The following MYH6 variants were observed in gnomAD, a reference collection of about 807,000 sequenced individuals.
The protein encoded by MYH6 is myosin-6.
A neutral mutation model predicts 223.2 loss-of-function variants in MYH6; 126 were observed. The observed-to-expected ratio is 0.56, with a 90% CI of 0.49 to 0.65. The LOEUF (loss-of-function observed/expected upper bound fraction) is 0.65, where lower values mean the gene tolerates loss of function less well. Among genes scored for constraint, MYH6 ranks in the 30% least tolerant of loss-of-function variants. MYH6 has a pLI of 0.00. For synonymous variants in MYH6, 978 were observed against 1,010.2 expected (o/e 0.97, Z 0.61); for missense variants, 2,040 against 2,536.4 (o/e 0.80, Z 4.20).
At position 23,383,335 on chromosome 14, in the gene MYH6, G is replaced by GT; in HGVS notation, c.5566-16dup. 1 of 488,970 alleles carries GT rather than the reference G, an allele frequency of 2.0e-6. No homozygotes were observed. The highest frequency in any genetic ancestry group is 6.6e-4 in the Middle Eastern group (1 of 1,510). The allele number at this position is 488,970 out of a possible 1,614,324, so 30.3% of individuals were successfully genotyped here. A position where few individuals can be genotyped will look rare whatever the true frequency, so the allele number is the denominator to read the frequency against. On this transcript the variant is annotated splice_polypyrimidine_tract_variant and intron_variant, in intron 36 of 38. Coordinates refer to ENST00000405093, the MANE Select transcript of MYH6 (RefSeq NM_002471.4). ...TCTTCCTCTGTCTGGGGGTGGGAGGGTGGGAGAAGCTGGTTTGGAGGGGGA... is the reference window on the plus strand; with the variant it reads ...TCTTCCTCTGTCTGGGGGTGGGAGGGTTGGGAGAAGCTGGTTTGGAGGGGGA...
intron 20 of MYH6, among the ~76,000 whole-genome samples, chr14:23,394,879 T>C (rs1448162960): frequency 6.6e-6 from 1 of 152,236 alleles, no homozygotes; most frequent in Non-Finnish European, 1.5e-5. Context: ...ACTTTATTTA[T>C]TTTGAGATGG....
In MYH6 at chr14:23,401,011, C is replaced by CTTTTT. The variant is rs751108399; in HGVS notation, c.1142-39_1142-35dup. 24 of 1,455,314 alleles carry CTTTTT rather than the reference C, an allele frequency of 1.6e-5. No homozygotes were observed. The African/African-American group carries it at 2.7e-4, about 16-fold the overall frequency. 90.2% of individuals were successfully genotyped at this position (1,455,314 alleles called of 1,614,324 possible). A position where few individuals can be genotyped will look rare whatever the true frequency, so the allele number is the denominator to read the frequency against. ...GAGGGAAAGGATAAGTGAGCACTTCCTTTTTTTTTTTTTAAGATAGAGGCT... is the reference window on the plus strand; with the variant it reads ...GAGGGAAAGGATAAGTGAGCACTTCCTTTTTTTTTTTTTTTTTTAAGATAGAGGCT... On this transcript the variant is annotated intron_variant, in intron 12 of 38. Coordinates refer to ENST00000405093, the MANE Select transcript of MYH6 (RefSeq NM_002471.4).
At position 23,389,585 on chromosome 14, in the gene MYH6, G is replaced by A. The variant is rs1891165319; in HGVS notation, c.3859+8C>T. Reference sequence around the variant, plus strand: ...GCCCTAGGCAGGGGGTTGGTTAGGGGCACCCACCATTCTCGGTCTGCAGCT... The same window carrying A: ...GCCCTAGGCAGGGGGTTGGTTAGGGACACCCACCATTCTCGGTCTGCAGCT... On this transcript the variant is annotated splice_region_variant and intron_variant, in intron 27 of 38. Transcript: ENST00000405093. 6.2e-7 allele frequency: 1 copy of A among 1,614,118 alleles called. No individual in the cohort carries two copies. Among genetic ancestry groups the A allele is most frequent in the Non-Finnish European group, 8.5e-7 (1 of 1,180,056 alleles).
chr14:23,397,484 A>G (rs1891433712), intron 16 of MYH6, 59 bp downstream of exon 16: 4 of 1,562,336 alleles, frequency 2.6e-6, no homozygotes, highest in Non-Finnish European at 3.5e-6. Flanking sequence ...TGGTGCAGCC[A>G]GAAGTCTCTG....
chr14:23,392,179 C>T (rs1260068735), intron 25 of MYH6, among the ~76,000 whole-genome samples: 1 of 150,800 alleles, frequency 6.6e-6, no homozygotes, highest in African/African-American at 2.4e-5. Context: ...ATGAACAGAG[C>T]AGCTCACAGG....
At chr14:23,390,853 C>A (rs946399470) in intron 25 of MYH6, among the ~76,000 whole-genome samples, 1 of 152,148 alleles carries the variant, frequency 6.6e-6, no homozygotes, top group East Asian at 1.9e-4. Flanking sequence ...ATTCATAAGA[C>A]GGGAAAATGA....
At chr14:23,385,240 C>A (rs1890985768) in intron 34 of MYH6, among the ~76,000 whole-genome samples, 199 bp from the exon 35 acceptor site, 2 of 151,706 alleles carry the variant, frequency 1.3e-5, no homozygotes, top group Admixed American at 1.3e-4. Flanking sequence ...TCTAAGATTA[C>A]TAAACTCTGA....
chr14:23,393,158 T>A, intron 23 of MYH6, 101 bp from the exon 24 acceptor site: 1 of 1,536,696 alleles, frequency 6.5e-7, no homozygotes, highest in South Asian at 1.1e-5. Flanking sequence ...GGATTGGAAG[T>A]CAAACCAACA....
rs1566513862 is a variant in MYH6 at position 23,400,708 on chromosome 14, C to T, written c.1410+1G>A. ...TCCCACTCCCAGGGGTCCCAACTCA[C>T]GTCGAAGATCTCGAAGCCAGCGATG... On this transcript the variant is annotated splice_donor_variant, in intron 13 of 38. Transcript: ENST00000405093. LOFTEE classifies it high-confidence loss of function. The T allele has an allele frequency of 6.2e-7, 1 of 1,614,258 alleles. No homozygotes were observed.
Position 23,383,304 on chromosome 14 carries a change from T to C in MYH6, c.5582A>G (p.Lys1861Arg). 1 of 1,435,712 alleles carries C rather than the reference T, an allele frequency of 7.0e-7. No individual in the cohort carries two copies. Among genetic ancestry groups the C allele is most frequent in the South Asian group, 1.1e-5 (1 of 88,592 alleles). The allele number at this position is 1,435,712 out of a possible 1,614,324, so 88.9% of individuals were successfully genotyped here. A position where few individuals can be genotyped will look rare whatever the true frequency, so the allele number is the denominator to read the frequency against. The change falls in exon 37 of 39, where the codon AAG becomes AGG. Residue 1861 changes from lysine to arginine, a missense_variant. Lys to Arg is a conservative substitution (Grantham distance 26). This residue lies in a region of MYH6 where 1,203 missense variants were observed against 1,400.2 expected (regional missense o/e 0.86). Transcript: ENST00000405093. ...ELTYQTEEDKKNLLRLQDLVD... is the reference protein window; with the variant it reads ...ELTYQTEEDKRNLLRLQDLVD... The stretch of plus-strand genomic sequence containing the variant: ...CAGGTCCTGTAGCCGCAGCAGGTTC[T>C]TTTTGTCTTCCTCTGTCTGGGGGTG...
At chr14:23,390,481 T>C (rs767618037) in intron 25 of MYH6, 35 bp from the exon 26 acceptor site, 3 of 1,606,574 alleles carry the variant, frequency 1.9e-6, no homozygotes, top group South Asian at 2.2e-5. Context: ...ACCCACCGCC[T>C]GGACCCCTCC....
Position 23,386,589 on chromosome 14 carries a change from C to T in MYH6, c.4685G>A (p.Arg1562Gln), listed in dbSNP as rs371068881. 2.1e-5 allele frequency: 32 copies of T among 1,495,964 alleles called. No individual in the cohort carries two copies. The highest frequency in any genetic ancestry group is 4.2e-5 in the African/African-American group (3 of 70,954). The allele number at this position is 1,495,964 out of a possible 1,614,324, so 92.7% of individuals were successfully genotyped here. Residue 1562 changes from arginine (R) to glutamine (Q), a missense_variant, in exon 33 of 39, where the codon CGG becomes CAG. Around this residue, in one of 4 missense-constraint regions of MYH6, gnomAD observed 1,203 missense variants for 1,400.2 expected, o/e 0.86. Transcript: ENST00000405093. The stretch of plus-strand genomic sequence containing the variant: ...GATCTGGTTGAACTCTAGCTGGGCC[C>T]GGAGGATCTTGCCCTCCTCGTGCTC... The part of the protein sequence containing the change: ...SLEHEEGKIL[R>Q]AQLEFNQIKA...
intron 23 of MYH6, 130 bp from the exon 24 acceptor site, chr14:23,393,187 A>G (rs1179721240): frequency 2.6e-5 from 39 of 1,487,792 alleles, no homozygotes; most frequent in Non-Finnish European, 3.5e-5. Flanking sequence ...CTGCAAGCAC[A>G]AAGGATTCAG....
chr14:23,404,641 G>C (rs1891720296), intron 7 of MYH6, 70 bp downstream of exon 7: 2 of 1,435,804 alleles, frequency 1.4e-6, no homozygotes, highest in South Asian at 2.3e-5. Flanking sequence ...AGGGAGGGGA[G>C]GGTTAGGGGT....
At chr14:23,401,622 C>A (rs1891605005) in intron 12 of MYH6, among the ~76,000 whole-genome samples, 1 of 152,242 alleles carries the variant, frequency 6.6e-6, no homozygotes. Flanking sequence ...CTCTCCAGGG[C>A]AAGGGTGTGG....
In MYH6 at chr14:23,389,573, G is replaced by A. The variant is rs747643607; in HGVS notation, c.3859+20C>T. ...AAGTCATGTCCTGCCCTAGGCAGGG[G>A]GTTGGTTAGGGGCACCCACCATTCT... On this transcript the variant is annotated intron_variant, in intron 27 of 38. Transcript: ENST00000405093. 1.2e-6 allele frequency: 2 copies of A among 1,614,214 alleles called. No homozygotes were observed. The highest frequency in any genetic ancestry group is 8.5e-7 in the Non-Finnish European group (1 of 1,180,044).
chr14:23,399,084 C>T (rs1891520045), intron 14 of MYH6, 47 bp from the exon 15 acceptor site: 2 of 1,605,796 alleles, frequency 1.2e-6, no homozygotes, highest in African/African-American at 2.7e-5. Flanking sequence ...GAGCACACTC[C>T]CAGGCTTCCA....
Position 23,397,929 on chromosome 14 carries a change from CTCCTCTTCTTCTTCTTCTTCTTCT to C in MYH6, c.1892-340_1892-317del, listed in dbSNP as rs1566512248. ...TCTAGTTCTCCTCCTCCTCCTCCTC[CTCCTCTTCTTCTTCTTCTTCTTCT>C]TCTTCTTCTTCTTCTTCTTCTTCTT... is the stretch of plus-strand genomic sequence containing the variant. On this transcript the variant is annotated intron_variant, in intron 15 of 38. Transcript: ENST00000405093. Among the ~76,000 whole-genome samples the C allele has an allele frequency of 8.3e-4, 102 of 123,030 alleles. 1 individual carries two copies. Among genetic ancestry groups the C allele is most frequent in the African/African-American group, 2.9e-3 (88 of 29,870 alleles). The allele number at this position is 123,030 out of a possible 152,430, so 80.7% of individuals were successfully genotyped here.
chr14:23,397,378 T>C, intron 16 of MYH6, 121 bp from the exon 17 acceptor site: 11 of 1,282,444 alleles, frequency 8.6e-6, no homozygotes, highest in Non-Finnish European at 1.2e-5. Context: ...CCACATAATT[T>C]GTGACGTGAG....
Sources: gnomAD v4.1 joint callset for allele counts (sites outside exome capture counted in the v4.1 genomes callset) on GRCh38, gnomAD v4.1.1 for gene constraint, gnomAD v4.1.1 regional missense constraint, MANE v1.5 for transcripts, NCBI Gene and HGNC (gene_info 2026-07-23, HGNC 2026-07-21) for gene names.